ROBO2: variants seen among roughly 807,000 people sequenced by gnomAD.
ROBO2 encodes roundabout guidance receptor 2, also known as roundabout homolog 2.
A neutral mutation model predicts 160.8 loss-of-function variants in ROBO2; 53 were observed. That is an observed-to-expected ratio of 0.33 (90% confidence interval 0.26 to 0.41). ROBO2 has a LOEUF of 0.41. ROBO2 is among the 10% of genes least tolerant of loss of function. The pLI is 1.00. For synonymous variants in ROBO2, 664 were observed against 611.7 expected (o/e 1.09, Z -1.26); for missense variants, 1,577 against 1,722.4 (o/e 0.92, Z 1.49).
At chr3:77,638,818 C>CTTTTTTTTTTTTTTTTTTTTTTT (rs34034420) in intron 24 of ROBO2, among the ~76,000 whole-genome samples, 1 of 51,270 alleles carries the variant, frequency 2.0e-5, no homozygotes, top group Non-Finnish European at 3.4e-5. Flanking sequence ...TTTCACCTAG[C>CTTTTTTTTTTTTTTTTTTTTTTT]TTTTTTTTTT....
chr3:76,029,699 TC>T (rs2066857133), intron 2 of ROBO2, among the ~76,000 whole-genome samples: 1 of 152,222 alleles, frequency 6.6e-6, no homozygotes, highest in South Asian at 2.1e-4. Context: ...CATGAACTAA[TC>T]CTTTTTACGG....
chr3:76,275,064 C>T (rs1249459416), intron 2 of ROBO2, among the ~76,000 whole-genome samples: 1 of 152,094 alleles, frequency 6.6e-6, no homozygotes, highest in African/African-American at 2.4e-5. Flanking sequence ...CAACTCACCA[C>T]ATTTTAGATG....
At chr3:77,507,085 T>C (rs925819268) in intron 5 of ROBO2, among the ~76,000 whole-genome samples, 2 of 152,140 alleles carry the variant, frequency 1.3e-5, no homozygotes, top group African/African-American at 4.8e-5. Context: ...TAGTAAAGAA[T>C]ATCCTAATTA....
chr3:76,515,629 TAAC>T, intron 2 of ROBO2, among the ~76,000 whole-genome samples: 1 of 152,314 alleles, frequency 6.6e-6, no homozygotes, highest in Non-Finnish European at 1.5e-5. Context: ...GCTCCTTTAT[TAAC>T]AACAGATAAA....
At chr3:76,109,381 A>T (rs547843159) in intron 2 of ROBO2, among the ~76,000 whole-genome samples, 1 of 152,178 alleles carries the variant, frequency 6.6e-6, no homozygotes, top group South Asian at 2.1e-4. Flanking sequence ...AAAATTTAGA[A>T]GGGTAGAGAA....
rs371649400 is a variant in ROBO2 at position 76,429,166 on chromosome 3, GCACACA to G, written c.109+491586_109+491591del. Among the ~76,000 whole-genome samples, 304 of 149,126 alleles carry G rather than the reference GCACACA, an allele frequency of 2.0e-3. 1 individual carries two copies. Among genetic ancestry groups the G allele is most frequent in the African/African-American group, 7.1e-3 (290 of 40,954 alleles). ...TCACAGAACTCACAGACCAGTGGGC[GCACACA>G]CACACACACACACACACACACCCAC... On this transcript the variant is annotated intron_variant, in intron 2 of 26. Coordinates refer to the ROBO2 transcript ENST00000487694.
At chr3:76,259,810 A>G (rs1706628688) in intron 2 of ROBO2, among the ~76,000 whole-genome samples, 1 of 152,076 alleles carries the variant, frequency 6.6e-6, no homozygotes, top group Admixed American at 6.6e-5. Context: ...TCAACAAGAA[A>G]GACCCGAGTG....
intron 2 of ROBO2, among the ~76,000 whole-genome samples, chr3:77,409,550 T>C (rs1446137627): frequency 6.6e-6 from 1 of 152,142 alleles, no homozygotes; most frequent in East Asian, 1.9e-4. Flanking sequence ...GCTGGGGGGA[T>C]GAGTGCCCCG....
intron 2 of ROBO2, among the ~76,000 whole-genome samples, chr3:76,564,503 T>C (rs2084392458): frequency 6.6e-6 from 1 of 151,950 alleles, no homozygotes; most frequent in African/African-American, 2.4e-5. Flanking sequence ...CAGTCACAAG[T>C]TCATCAAAAG....
intron 2 of ROBO2, among the ~76,000 whole-genome samples, chr3:76,719,529 C>G (rs1325061857): frequency 6.6e-6 from 1 of 152,134 alleles, no homozygotes; most frequent in Non-Finnish European, 1.5e-5. Context: ...GTAAAAAAAT[C>G]CATCTGAAAT....
intron 2 of ROBO2, among the ~76,000 whole-genome samples, chr3:77,307,490 C>A (rs2153418743): frequency 6.6e-6 from 1 of 152,278 alleles, no homozygotes; most frequent in Non-Finnish European, 1.5e-5. Flanking sequence ...GGACATGTTT[C>A]TTTCAACAGT....
intron 2 of ROBO2, among the ~76,000 whole-genome samples, chr3:76,671,584 A>G (rs2092263985): frequency 6.6e-6 from 1 of 152,192 alleles, no homozygotes; most frequent in African/African-American, 2.4e-5. Context: ...AAAATCACAT[A>G]TAATGTTTCC....
chr3:77,127,036 G>A (rs138290680), intron 2 of ROBO2, among the ~76,000 whole-genome samples: 6,707 of 151,116 alleles, frequency 0.044, 188 homozygotes, highest in East Asian at 0.09. Flanking sequence ...TGATCCGCCC[G>A]CCTTGGCCTC....
chr3:75,924,866 T>G (rs1947221889), intron 1 of ROBO2, among the ~76,000 whole-genome samples: 2 of 151,456 alleles, frequency 1.3e-5, no homozygotes, highest in Admixed American at 1.3e-4. Flanking sequence ...TTTTTTGTAT[T>G]TTTAGTAGAG....
chr3:76,756,946 T>C (rs1397849913), intron 2 of ROBO2, among the ~76,000 whole-genome samples: 3 of 151,824 alleles, frequency 2.0e-5, no homozygotes, highest in African/African-American at 7.2e-5. Context: ...TAGTGATAAA[T>C]AGATAAGAGA....
intron 2 of ROBO2, among the ~76,000 whole-genome samples, chr3:76,964,457 C>T (rs1178403683): frequency 1.3e-5 from 2 of 152,108 alleles, no homozygotes; most frequent in Non-Finnish European, 2.9e-5. Flanking sequence ...ATTCTCCTGC[C>T]TCAGCCTCCA....
At chr3:77,472,002 CAG>C (rs1182871091) in intron 2 of ROBO2, among the ~76,000 whole-genome samples, 1 of 152,128 alleles carries the variant, frequency 6.6e-6, no homozygotes, top group Non-Finnish European at 1.5e-5. Context: ...TTTAGGTAGA[CAG>C]GGGATCTTTA....
At chr3:76,754,247 T>C (rs531248861) in intron 2 of ROBO2, among the ~76,000 whole-genome samples, 1 of 151,994 alleles carries the variant, frequency 6.6e-6, no homozygotes, top group South Asian at 2.1e-4. Flanking sequence ...CTCTAGGCCG[T>C]TAGAGAAATT....
At chr3:77,558,060 A>G in exon 9 of ROBO2, 1 of 1,613,282 alleles carries the variant, frequency 6.2e-7, no homozygotes, top group Non-Finnish European at 8.5e-7. Flanking sequence ...TCCTGTAATT[A>G]GCTGGTTAAA....
Sources: allele counts gnomAD v4.1 joint callset (sites outside exome capture counted in the v4.1 genomes callset), GRCh38; gene constraint gnomAD v4.1.1; transcripts MANE v1.5; gene names NCBI Gene and HGNC (gene_info 2026-07-23, HGNC 2026-07-21).